The following PARD3 variants were observed in gnomAD, a reference collection of about 807,000 sequenced individuals.
PARD3 encodes par-3 family cell polarity regulator.
PARD3 carries 75 observed loss-of-function variants against 155.4 expected under a neutral mutation model. The ratio of observed to expected loss-of-function variants is 0.48; its 90% CI spans 0.40 to 0.58. The LOEUF (loss-of-function observed/expected upper bound fraction) is 0.58, where lower values mean the gene tolerates loss of function less well. PARD3 is among the 20% of genes least tolerant of loss of function. The probability of loss-of-function intolerance (pLI) is 0.00; values close to 1 mark genes in which losing one functional copy is unlikely to be tolerated. For synonymous variants in PARD3, 576 were observed against 610.5 expected (o/e 0.94, Z 0.83); for missense variants, 1,642 against 1,721.7 (o/e 0.95, Z 0.82).
intron 5 of PARD3, among the ~76,000 whole-genome samples, chr10:34,421,222 T>C (rs1657219): frequency 0.42 from 63,453 of 151,666 alleles, 14,308 homozygotes; most frequent in African/African-American, 0.59. Flanking sequence ...TCCAAAATGA[T>C]CCCAAGGAAA....
chr10:34,138,663 C>A lies in PARD3; in HGVS notation c.3420-7080G>T, dbSNP rs75403515. On this transcript the variant is annotated intron_variant, in intron 22 of 24. Transcript: ENST00000374788. ...CCAAGAGCTCAGGACTTAAAAGATG[C>A]CCCTTCAAATCCACTACTTACAAAA... Among the ~76,000 whole-genome samples, 511 of 152,226 alleles carry A rather than the reference C, an allele frequency of 3.4e-3. 1 individual carries two copies. Among genetic ancestry groups the A allele is most frequent in the African/African-American group, 0.011 (476 of 41,534 alleles).
intron 22 of PARD3, among the ~76,000 whole-genome samples, chr10:34,240,026 T>C (rs1223248820): frequency 6.6e-6 from 1 of 152,146 alleles, no homozygotes; most frequent in Non-Finnish European, 1.5e-5. Flanking sequence ...CACTGAGCAA[T>C]CCTATGTGAC....
intron 22 of PARD3, among the ~76,000 whole-genome samples, chr10:34,248,799 T>C (rs1372319339): frequency 6.6e-6 from 1 of 152,196 alleles, no homozygotes. Context: ...AAACAAAGAA[T>C]AGTATTAAAA....
intron 22 of PARD3, among the ~76,000 whole-genome samples, chr10:34,155,295 C>G (rs1416708302): frequency 6.6e-6 from 1 of 152,172 alleles, no homozygotes; most frequent in African/African-American, 2.4e-5. Context: ...TCGAACACAT[C>G]TATGCAGCCT....
intron 5 of PARD3, among the ~76,000 whole-genome samples, chr10:34,441,887 A>C (rs1564717281): frequency 6.6e-6 from 1 of 152,222 alleles, no homozygotes; most frequent in Non-Finnish European, 1.5e-5. Flanking sequence ...CCAGGTAACA[A>C]GTCTCTTAAA....
chr10:34,769,771 C>G (rs1457590620), intron 1 of PARD3, among the ~76,000 whole-genome samples: 1 of 60,246 alleles, frequency 1.7e-5, no homozygotes, highest in Non-Finnish European at 3.0e-5. Flanking sequence ...TTTAAAAAAA[C>G]AAACAAACAA....
intron 1 of PARD3, among the ~76,000 whole-genome samples, chr10:34,732,443 T>C (rs1447566473): frequency 6.6e-6 from 1 of 152,172 alleles, no homozygotes; most frequent in Non-Finnish European, 1.5e-5. Context: ...ACACTTATAA[T>C]GGCACTTTGG....
intron 22 of PARD3, among the ~76,000 whole-genome samples, chr10:34,222,077 T>C (rs888651370): frequency 6.6e-6 from 1 of 152,232 alleles, no homozygotes; most frequent in Admixed American, 6.5e-5. Flanking sequence ...GTAAAATTCA[T>C]GCTAATGATT....
At chr10:34,305,352 G>T (rs1409548587) in intron 20 of PARD3, among the ~76,000 whole-genome samples, 1 of 152,214 alleles carries the variant, frequency 6.6e-6, no homozygotes, top group Non-Finnish European at 1.5e-5. Context: ...GCCTCCAGTG[G>T]GCGAGGCAGA....
chr10:34,382,957 A>T (rs1395993525), intron 8 of PARD3, 35 bp from the exon 9 acceptor site: 1 of 1,608,634 alleles, frequency 6.2e-7, no homozygotes, highest in Admixed American at 1.7e-5. Context: ...TTAGCAAATT[A>T]AGACTGGCAG....
intron 22 of PARD3, among the ~76,000 whole-genome samples, chr10:34,191,383 T>C (rs1378994432): frequency 2.0e-5 from 3 of 152,034 alleles, no homozygotes; most frequent in Admixed American, 6.5e-5. Context: ...GAGGAATCAC[T>C]AACCCAACCA....
At chr10:34,408,186 T>A (rs1022383623) in intron 5 of PARD3, among the ~76,000 whole-genome samples, 1 of 150,332 alleles carries the variant, frequency 6.7e-6, no homozygotes, top group East Asian at 2.0e-4. Flanking sequence ...TTCCAAAATA[T>A]CTATCTTTGA....
At chr10:34,591,712 G>A (rs1468080115) in intron 2 of PARD3, among the ~76,000 whole-genome samples, 1 of 152,278 alleles carries the variant, frequency 6.6e-6, no homozygotes, top group East Asian at 1.9e-4. Context: ...AAATGAAGTC[G>A]CTGGTCTCAA....
At chr10:34,408,875 T>C (rs996318779) in intron 5 of PARD3, among the ~76,000 whole-genome samples, 4 of 151,810 alleles carry the variant, frequency 2.6e-5, no homozygotes, top group African/African-American at 9.7e-5. Context: ...AAATAAGATA[T>C]TTTAAAATTA....
chr10:34,361,160 T>C (rs1839398713), intron 12 of PARD3, among the ~76,000 whole-genome samples: 1 of 152,200 alleles, frequency 6.6e-6, no homozygotes. Context: ...ACCATCTCTA[T>C]ACTGGTCATG....
chr10:34,180,772 CG>C (rs758901486), intron 22 of PARD3, among the ~76,000 whole-genome samples: 1 of 152,094 alleles, frequency 6.6e-6, no homozygotes, highest in Non-Finnish European at 1.5e-5. Flanking sequence ...CAACTGCCCT[CG>C]TGTCTTGCTG....
At chr10:34,325,971 A>C (rs1834983073) in intron 19 of PARD3, among the ~76,000 whole-genome samples, 1 of 151,908 alleles carries the variant, frequency 6.6e-6, no homozygotes, top group Admixed American at 6.6e-5. Flanking sequence ...AAATACAAAA[A>C]TCACTTGGGC....
At chr10:34,778,533 A>G (rs867123047) in intron 1 of PARD3, among the ~76,000 whole-genome samples, 20 of 152,192 alleles carry the variant, frequency 1.3e-4, no homozygotes, top group Admixed American at 5.2e-4. Context: ...ATTTTCCAAT[A>G]AGAAATGTTA....
intron 23 of PARD3, among the ~76,000 whole-genome samples, chr10:34,120,127 C>T (rs1946911982): frequency 6.7e-6 from 1 of 149,020 alleles, no homozygotes; most frequent in Non-Finnish European, 1.5e-5. Context: ...AGTGATCCTC[C>T]CACCTCAGTC....
Sources: gnomAD v4.1 joint callset for allele counts (sites outside exome capture counted in the v4.1 genomes callset) on GRCh38, gnomAD v4.1.1 for gene constraint, MANE v1.5 for transcripts, NCBI Gene and HGNC (gene_info 2026-07-23, HGNC 2026-07-21) for gene names.